The following RDX variants were observed in gnomAD, a reference collection of about 807,000 sequenced individuals.
RDX encodes the protein radixin.
RDX carries 32 observed loss-of-function variants against 83.7 expected under a neutral mutation model. That is an observed-to-expected ratio of 0.38 (90% CI 0.29 to 0.51). The LOEUF is 0.51. Among genes scored for constraint, RDX ranks in the 20% least tolerant of loss-of-function variants. The pLI is 0.87. For synonymous variants in RDX, 229 were observed against 222.7 expected (o/e 1.03, Z -0.25); for missense variants, 600 against 689.9 (o/e 0.87, Z 1.46).
chr11:110,194,043 G>A (rs1248011488), intron 15 of RDX, among the ~76,000 whole-genome samples: 1 of 152,186 alleles, frequency 6.6e-6, no homozygotes, highest in African/African-American at 2.4e-5. Flanking sequence ...AGCGGCCCAC[G>A]CTGTGCCCTC....
At chr11:110,236,058 A>C (rs1390368519) in intron 12 of RDX, 41 bp downstream of exon 12, 1 of 1,360,632 alleles carries the variant, frequency 7.3e-7, no homozygotes, top group Non-Finnish European at 1.1e-6. Context: ...CCTGGGTATA[A>C]AAGCTATTCA....
At chr11:110,186,848 G>T (rs58611171) in intron 15 of RDX, among the ~76,000 whole-genome samples, 6,351 of 152,288 alleles carry the variant, frequency 0.042, 452 homozygotes, top group African/African-American at 0.15. Context: ...TACAAAGTCA[G>T]TCATTCTTTG....
chr11:110,248,541 AAAGTAT>A (rs1859206278), intron 9 of RDX, among the ~76,000 whole-genome samples: 1 of 152,350 alleles, frequency 6.6e-6, no homozygotes, highest in Admixed American at 6.5e-5. Flanking sequence ...AACTGCTAGT[AAAGTAT>A]AACTGTCAAA....
At chr11:110,288,964 G>A (rs545103486) in intron 1 of RDX, among the ~76,000 whole-genome samples, 10 of 152,106 alleles carry the variant, frequency 6.6e-5, no homozygotes, top group Non-Finnish European at 1.2e-4. Flanking sequence ...ACAGCTGGGC[G>A]TGGTGGCTCA....
intron 15 of RDX, chr11:110,195,509 A>G (rs1442308203): frequency 1.3e-5 from 2 of 152,228 alleles, no homozygotes; most frequent in African/African-American, 4.8e-5. Context: ...GGCAAGCAAT[A>G]TTCACCGCCT....
intron 1 of RDX, among the ~76,000 whole-genome samples, chr11:110,284,265 TC>T (rs1412467376): frequency 6.6e-6 from 1 of 152,052 alleles, no homozygotes; most frequent in South Asian, 2.1e-4. Flanking sequence ...AAGATATTTC[TC>T]CCCCCAAACT....
intron 15 of RDX, chr11:110,185,221 GA>G (rs1862963663): frequency 6.6e-6 from 1 of 152,230 alleles, no homozygotes; most frequent in South Asian, 2.1e-4. Flanking sequence ...GCATAGAACA[GA>G]AATGAGGATA....
downstream of RDX, among the ~76,000 whole-genome samples, chr11:110,227,386 T>C (rs374628930): frequency 5.3e-5 from 8 of 152,280 alleles, no homozygotes; most frequent in East Asian, 1.5e-3. Flanking sequence ...CCAGTATCAC[T>C]ATTTTTAGGA....
intron 1 of RDX, among the ~76,000 whole-genome samples, chr11:110,290,489 G>A (rs1483192039): frequency 6.7e-6 from 1 of 149,970 alleles, no homozygotes; most frequent in Non-Finnish European, 1.5e-5. Flanking sequence ...TCTGGCCTGG[G>A]CAACAGAGAC....
chr11:110,212,183 A>C (rs1863862364), intron 14 of RDX, among the ~76,000 whole-genome samples: 1 of 151,592 alleles, frequency 6.6e-6, no homozygotes, highest in African/African-American at 2.4e-5. Context: ...AATACAAACT[A>C]CCATCAGAGA....
Position 110,231,993 on chromosome 11 carries a change from T to C in RDX, c.1628A>G (p.Lys543Arg), listed in dbSNP as rs1864656327. Reference sequence around the variant, plus strand: ...ATGAAGAACATCATTTTGTGTTTTCTTGGTTTCATCTCTGGCTTGGGCTAA... The same window carrying C: ...ATGAAGAACATCATTTTGTGTTTTCCTGGTTTCATCTCTGGCTTGGGCTAA... The part of the protein sequence containing the change: ...SELAQARDET[K>R]KTQNDVLHAE... The change falls in exon 14 of 14, where the codon AAG (lysine) becomes AGG (arginine). Residue 543 changes from lysine to arginine, a missense_variant. Coordinates refer to ENST00000645495, the MANE Select transcript of RDX (RefSeq NM_002906.4). The C allele has an allele frequency of 1.9e-6, 3 of 1,614,182 alleles. No homozygotes were observed. The highest frequency in any genetic ancestry group is 2.2e-5 in the South Asian group (2 of 91,086).
chr11:110,223,365 T>TA (rs1294001728), intron 14 of RDX, among the ~76,000 whole-genome samples: 2 of 149,886 alleles, frequency 1.3e-5, no homozygotes, highest in Non-Finnish European at 3.0e-5. Flanking sequence ...AAAATAATAA[T>TA]AAAAAACAAA....
chr11:110,217,620 C>T (rs1026819877), intron 14 of RDX, among the ~76,000 whole-genome samples: 13 of 152,164 alleles, frequency 8.5e-5, no homozygotes, highest in Admixed American at 3.9e-4. Context: ...CAGCGGATAC[C>T]GTTGGCTCTA....
chr11:110,258,146 T>C lies in RDX; in HGVS notation c.511A>G (p.Arg171Gly). Reference sequence around the variant, plus strand: ...TGTTCTTCATGCCAGTTCTGTATTCTTTCTTCCCACTGTTCTTTTGTTAGT... The same window carrying C: ...TGTTCTTCATGCCAGTTCTGTATTCCTTCTTCCCACTGTTCTTTTGTTAGT... ...HKLTKEQWEE[R>G]IQNWHEEHRG... is the part of the protein sequence containing the mutation. The change falls in exon 6 of 14, where the codon AGA becomes GGA. Residue 171 changes from arginine to glycine, a missense_variant. Coordinates refer to ENST00000645495, the MANE Select transcript of RDX (RefSeq NM_002906.4). 1 of 1,611,910 alleles carries C rather than the reference T, an allele frequency of 6.2e-7. No individual in the cohort carries two copies. Among genetic ancestry groups the C allele is most frequent in the African/African-American group, 1.3e-5 (1 of 74,988 alleles).
intron 1 of RDX, chr11:110,287,336 C>T (rs1319420251): frequency 6.6e-6 from 1 of 151,118 alleles, no homozygotes; most frequent in Non-Finnish European, 1.5e-5. Context: ...AGTGAGATCC[C>T]ATCTCTATAA....
chr11:110,243,099 A>C (rs1358367209), intron 10 of RDX, among the ~76,000 whole-genome samples: 4 of 152,110 alleles, frequency 2.6e-5, no homozygotes, highest in Non-Finnish European at 5.9e-5. Context: ...CAAAATCCTA[A>C]ATTTTTTGAG....
Position 110,181,248 on chromosome 11 carries a change from C to T in RDX, c.*32-6014G>A, listed in dbSNP as rs185529210. Among the ~76,000 whole-genome samples, 22 of 152,076 alleles carry T rather than the reference C, an allele frequency of 1.4e-4. No individual in the cohort carries two copies. The East Asian group carries it at 3.3e-3, about 23-fold the overall frequency. ...AGCGAACTCGACTCACTACAACCTC[C>T]GCCTCCCGGGTTGAAACAATTCTCC... On this transcript the variant is annotated intron_variant, in intron 15 of 15. Coordinates refer to the RDX transcript ENST00000528498.
chr11:110,182,439 GA>G (rs1448187479), intron 15 of RDX, among the ~76,000 whole-genome samples: 1 of 152,136 alleles, frequency 6.6e-6, no homozygotes, highest in Non-Finnish European at 1.5e-5. Flanking sequence ...CGTCTCTACT[GA>G]AAATACAAAA....
intron 1 of RDX, among the ~76,000 whole-genome samples, chr11:110,295,185 C>T (rs1236457272): frequency 6.6e-6 from 1 of 152,066 alleles, no homozygotes; most frequent in Non-Finnish European, 1.5e-5. Flanking sequence ...ATATTAGTCT[C>T]CTTTCTCAAA....
Sources: allele counts gnomAD v4.1 joint callset (sites outside exome capture counted in the v4.1 genomes callset), GRCh38; gene constraint gnomAD v4.1.1; transcripts MANE v1.5; gene names NCBI Gene and HGNC (gene_info 2026-07-23, HGNC 2026-07-21).